Variants in RIPOR1 observed in about 807,000 individuals in gnomAD.
The protein encoded by RIPOR1 is RHO family interacting cell polarization regulator 1.
Under a neutral mutation model 116.5 loss-of-function variants are expected in RIPOR1, and 58 were observed. The ratio of observed to expected loss-of-function variants is 0.50; its 90% CI spans 0.40 to 0.62. The LOEUF (loss-of-function observed/expected upper bound fraction) is 0.62. RIPOR1 is among the 20% of genes least tolerant of loss of function. RIPOR1 has a pLI of 0.00. For synonymous variants in RIPOR1, 605 were observed against 650.0 expected (o/e 0.93, Z 1.05); for missense variants, 1,372 against 1,586.2 (o/e 0.86, Z 2.29).
Position 67,529,182 on chromosome 16 carries a change from G to A in RIPOR1, c.-24+268G>A, listed in dbSNP as rs964725014. On this transcript the variant is annotated intron_variant, in intron 1 of 21. Coordinates refer to ENST00000042381, the MANE Select transcript of RIPOR1 (RefSeq NM_024519.4). The surrounding 1 kb of genome is among the most constrained non-coding windows in gnomAD (Gnocchi z 4.1). Reference sequence around the variant, plus strand: ...CTCCCACGGCAAGGCCCTGGCGGCCGGTGCCCCGGGGCGCTGGGATGGGCC... The same window carrying A: ...CTCCCACGGCAAGGCCCTGGCGGCCAGTGCCCCGGGGCGCTGGGATGGGCC... Among the ~76,000 whole-genome samples the A allele has an allele frequency of 1.3e-5, 2 of 152,214 alleles. No individual in the cohort carries two copies. Among genetic ancestry groups the A allele is most frequent in the Non-Finnish European group, 2.9e-5 (2 of 68,012 alleles).
rs942246319 is a variant in RIPOR1, at chr16:67,531,322, T to TC, written c.-24+2415dup. ...TAGGCAGCCCAGCTTCCCCCACTGT[T>TC]CCCCCCCTTCATCTCCCAGGTGCTA... On this transcript the variant is annotated intron_variant, in intron 1 of 21. Coordinates refer to ENST00000042381, the MANE Select transcript of RIPOR1 (RefSeq NM_024519.4). The surrounding 1 kb of genome is among the most constrained non-coding windows in gnomAD (Gnocchi z 4.2). 6.0e-5 allele frequency among the ~76,000 whole-genome samples: 9 copies of TC among 149,798 alleles called. No individual in the cohort carries two copies. The highest frequency in any genetic ancestry group is 2.2e-4 in the African/African-American group (9 of 40,588).
chr16:67,528,569 G>A (rs906040950), upstream of RIPOR1: 2 of 152,340 alleles, frequency 1.3e-5, no homozygotes, highest in African/African-American at 2.4e-5. Flanking sequence ...TCTGGGGAGG[G>A]GACAAGCAGG....
At position 67,543,073 on chromosome 16, in the gene RIPOR1, C is replaced by T. The variant is rs528868067; in HGVS notation, c.2287C>T (p.Pro763Ser). The change falls in exon 13 of 22, where the codon CCC (proline) becomes TCC (serine). Residue 763 changes from proline (P) to serine (S), a missense_variant. Pro to Ser is a moderately conservative substitution (Grantham distance 74, BLOSUM62 -1). Coordinates refer to ENST00000042381, the MANE Select transcript of RIPOR1 (RefSeq NM_024519.4). The surrounding 1 kb of genome is among the most constrained non-coding windows in gnomAD (Gnocchi z 4.7). ...SPTPSPPTPA[P>S]QHSDLCLAMA... ...CACTCCCTCACCCCCAACCCCTGCA[C>T]CCCAGCATTCAGACCTTTGCCTGGC... 5.9e-6 allele frequency: 9 copies of T among 1,523,202 alleles called. 1 individual carries two copies. In the South Asian group the frequency reaches 9.2e-5, roughly 16 times the overall value. The allele number at this position is 1,523,202 out of a possible 1,614,324, so 94.4% of individuals were successfully genotyped here.
rs1220140044 is a variant in RIPOR1, at chr16:67,530,096, C to T, written c.-24+1182C>T. On this transcript the variant is annotated intron_variant, in intron 1 of 21. Coordinates refer to ENST00000042381, the MANE Select transcript of RIPOR1 (RefSeq NM_024519.4). The surrounding 1 kb of genome is among the most constrained non-coding windows in gnomAD (Gnocchi z 4.5). ...CGGGAGAGAGGAGCAAGGTGAGCCG[C>T]CCCAGGGGTCTGGGTTTGGGTGCGG... 5.1e-6 allele frequency: 3 copies of T among 590,232 alleles called. No homozygotes were observed. The highest frequency in any genetic ancestry group is 5.7e-5 in the Admixed American group (2 of 35,382). The allele number at this position is 590,232 out of a possible 1,614,324, so 36.6% of individuals were successfully genotyped here.
chr16:67,537,398 GC>G lies in RIPOR1; in HGVS notation c.-23-1022del. On this transcript the variant is annotated intron_variant, in intron 1 of 21. Transcript: ENST00000042381. This position sits in a 1 kb window ranked among gnomAD's most constrained non-coding sequence, Gnocchi z 4.6. Reference sequence around the variant, plus strand: ...GAGGGGAACCCCAGTCACCGGTCCCGCCCCATCCAGGCGGGCTGAGTCAGGC... The same window carrying G: ...GAGGGGAACCCCAGTCACCGGTCCCGCCCATCCAGGCGGGCTGAGTCAGGC... 1 of 1,236,148 alleles carries G rather than the reference GC, an allele frequency of 8.1e-7. No individual in the cohort carries two copies. The highest frequency in any genetic ancestry group is 3.2e-5 in the East Asian group (1 of 30,808). The allele number at this position is 1,236,148 out of a possible 1,614,324, so 76.6% of individuals were successfully genotyped here. A position where few individuals can be genotyped will look rare whatever the true frequency, so the allele number is the denominator to read the frequency against.
chr16:67,527,853 CAAA>C (rs796470899), upstream of RIPOR1, among the ~76,000 whole-genome samples: 3 of 67,640 alleles, frequency 4.4e-5, no homozygotes, highest in Non-Finnish European at 6.2e-5. Flanking sequence ...CACTCTGTCT[CAAA>C]AAAAAAAAAA....
At chr16:67,532,458 C>A (rs1274961415) in intron 1 of RIPOR1, among the ~76,000 whole-genome samples, 2 of 151,496 alleles carry the variant, frequency 1.3e-5, no homozygotes, top group African/African-American at 2.4e-5. Context: ...CAGCGTGAGA[C>A]CTCGTCTTAA....
At position 67,537,588 on chromosome 16, in the gene RIPOR1, A is replaced by T. The variant is rs567333519; in HGVS notation, c.-23-836A>T. On this transcript the variant is annotated intron_variant, in intron 1 of 21. Transcript: ENST00000042381. This position sits in a 1 kb window ranked among gnomAD's most constrained non-coding sequence, Gnocchi z 4.6. ...CCGTCCCGGACCCACCATGAACACCAAGAAGAGAGGTAGGACCCAGCTCGG... is the reference window on the plus strand; with the variant it reads ...CCGTCCCGGACCCACCATGAACACCTAGAAGAGAGGTAGGACCCAGCTCGG... The T allele has an allele frequency of 7.0e-7, 1 of 1,421,508 alleles. No homozygotes were observed. Among genetic ancestry groups the T allele is most frequent in the East Asian group, 3.0e-5 (1 of 33,356 alleles). 88.1% of individuals were successfully genotyped at this position (1,421,508 alleles called of 1,614,324 possible). A position where few individuals can be genotyped will look rare whatever the true frequency, so the allele number is the denominator to read the frequency against.
intron 1 of RIPOR1, among the ~76,000 whole-genome samples, chr16:67,519,261 C>G (rs2050473212): frequency 7.2e-6 from 1 of 139,392 alleles, no homozygotes; most frequent in Admixed American, 7.4e-5. Context: ...GCCTGGGCAA[C>G]AGAGAAAGAC....
In RIPOR1 at chr16:67,530,231, T is replaced by G. The variant is rs1259711327; in HGVS notation, c.-24+1317T>G. On this transcript the variant is annotated intron_variant, in intron 1 of 21. Transcript: ENST00000042381. The surrounding 1 kb of genome is among the most constrained non-coding windows in gnomAD (Gnocchi z 4.5). ...CTGCGTCGCCGCTCGGACTCAGCCC[T>G]GGCCAGGCCCGGCCCGGGGGAGGCC... 4.1e-6 allele frequency: 1 copy of G among 244,488 alleles called. No individual in the cohort carries two copies. The allele number at this position is 244,488 out of a possible 1,614,324, so 15.1% of individuals were successfully genotyped here.
At chr16:67,533,100 G>A (rs2050703490) in intron 1 of RIPOR1, among the ~76,000 whole-genome samples, 1 of 152,156 alleles carries the variant, frequency 6.6e-6, no homozygotes, top group Non-Finnish European at 1.5e-5. Context: ...GGTCATAGGG[G>A]CTAACTGAGA....
Position 67,543,492 on chromosome 16 carries a change from G to T in RIPOR1, c.2600+23G>T, listed in dbSNP as rs1160676104. ...CAGGTGAGGGGGCTAGGCAAGATGG[G>T]TGTGAGGCTAGGTGAGAGGGAAAAG... On this transcript the variant is annotated intron_variant, in intron 14 of 21. Coordinates refer to ENST00000042381, the MANE Select transcript of RIPOR1 (RefSeq NM_024519.4). This position sits in a 1 kb window ranked among gnomAD's most constrained non-coding sequence, Gnocchi z 4.7. 1.3e-6 allele frequency: 2 copies of T among 1,547,158 alleles called. No homozygotes were observed. The highest frequency in any genetic ancestry group is 8.7e-7 in the Non-Finnish European group (1 of 1,146,948).
upstream of RIPOR1, chr16:67,528,317 C>T (rs1446368300): frequency 6.6e-6 from 1 of 152,280 alleles, no homozygotes; most frequent in Non-Finnish European, 1.5e-5. Context: ...CTGGACTTAC[C>T]AGCCAGACAG....
Position 67,542,629 on chromosome 16 carries a change from C to T in RIPOR1, c.1843C>T (p.Pro615Ser), listed in dbSNP as rs2051023639. 1 of 1,613,524 alleles carries T rather than the reference C, an allele frequency of 6.2e-7. No homozygotes were observed. The highest frequency in any genetic ancestry group is 8.5e-7 in the Non-Finnish European group (1 of 1,179,852). The change falls in exon 13 of 22, where the codon CCC (proline) becomes TCC (serine). Residue 615 changes from proline (P) to serine (S), a missense_variant. By Grantham distance (74) the Pro-to-Ser change is moderately conservative. Coordinates refer to ENST00000042381, the MANE Select transcript of RIPOR1 (RefSeq NM_024519.4). This position sits in a 1 kb window ranked among gnomAD's most constrained non-coding sequence, Gnocchi z 4.6. ...MPSPTHTTAS[P>S]THTSTSPTHT... Reference sequence around the variant, plus strand: ...AAGCCCTACCCATACCACAGCAAGCCCCACTCATACTTCCACAAGCCCCAC... The same window carrying T: ...AAGCCCTACCCATACCACAGCAAGCTCCACTCATACTTCCACAAGCCCCAC...
At chr16:67,527,172 C>T (rs1286844932), upstream of RIPOR1, among the ~76,000 whole-genome samples, 1 of 152,176 alleles carries the variant, frequency 6.6e-6, no homozygotes, top group Non-Finnish European at 1.5e-5. Context: ...GCCTGTAATC[C>T]CAGCACTTTG....
intron 21 of RIPOR1, 32 bp downstream of exon 21, chr16:67,546,263 G>A (rs771941080): frequency 6.2e-7 from 1 of 1,611,564 alleles, no homozygotes; most frequent in East Asian, 2.2e-5. Context: ...GATGGGTGGA[G>A]TTCTGGGACA....
rs369578263 is a variant in RIPOR1, at chr16:67,543,481, A to G, written c.2600+12A>G. 2.6e-6 allele frequency: 4 copies of G among 1,549,090 alleles called. No individual in the cohort carries two copies. Among genetic ancestry groups the G allele is most frequent in the Admixed American group, 2.0e-5 (1 of 50,996 alleles). ...GTTCCTGGGGACAGGTGAGGGGGCT[A>G]GGCAAGATGGGTGTGAGGCTAGGTG... is the stretch of plus-strand genomic sequence containing the variant. On this transcript the variant is annotated intron_variant, in intron 14 of 21. Transcript: ENST00000042381. This position sits in a 1 kb window ranked among gnomAD's most constrained non-coding sequence, Gnocchi z 4.7.
chr16:67,545,284 GC>G lies in RIPOR1; in HGVS notation c.3032-88del. On this transcript the variant is annotated intron_variant, in intron 17 of 21. Coordinates refer to ENST00000042381, the MANE Select transcript of RIPOR1 (RefSeq NM_024519.4). This position sits in a 1 kb window ranked among gnomAD's most constrained non-coding sequence, Gnocchi z 4.8. ...CAGATGGGTGGGGTTTGAACAGGGG[GC>G]CCCTGGACCTGAGCCTGGGATAGGA... 1.3e-6 allele frequency: 2 copies of G among 1,540,850 alleles called. No individual in the cohort carries two copies. Among genetic ancestry groups the G allele is most frequent in the East Asian group, 2.3e-5 (1 of 44,312 alleles).
rs1000578530 is a variant in RIPOR1 at position 67,531,896 on chromosome 16, T to G, written c.-24+2982T>G. Among the ~76,000 whole-genome samples the G allele has an allele frequency of 6.6e-6, 1 of 151,906 alleles. No homozygotes were observed. Among genetic ancestry groups the G allele is most frequent in the African/African-American group, 2.4e-5 (1 of 41,322 alleles). ...GACACTTACCACCTGTGTGACTGTT[T>G]TGTTTTGTTTTTTGAGACAGAGTCT... On this transcript the variant is annotated intron_variant, in intron 1 of 21. Transcript: ENST00000042381. The surrounding 1 kb of genome is among the most constrained non-coding windows in gnomAD (Gnocchi z 4.2).
Sources: allele counts gnomAD v4.1 joint callset (sites outside exome capture counted in the v4.1 genomes callset), GRCh38; gene constraint gnomAD v4.1.1; non-coding constraint Gnocchi (gnomAD v3.1); transcripts MANE v1.5; gene names NCBI Gene and HGNC (gene_info 2026-07-23, HGNC 2026-07-21).